NUDCD3: variants seen among roughly 807,000 people sequenced by gnomAD.
NUDCD3 encodes the protein NudC domain containing 3, also known as nudC domain-containing protein 3.
In NUDCD3, 13 loss-of-function variants were observed where a neutral mutation model predicts 39.7. The ratio of observed to expected loss-of-function variants is 0.33; its 90% CI spans 0.21 to 0.52. The LOEUF (loss-of-function observed/expected upper bound fraction) is 0.52, where lower values mean the gene tolerates loss of function less well. Ranked by LOEUF, NUDCD3 falls within the 20% of genes least tolerant of loss-of-function variation. The pLI is 0.96. For missense variants in NUDCD3, 453 were observed against 458.1 expected (o/e 0.99, Z 0.10); for synonymous variants, 175 against 172.4 (o/e 1.02, Z -0.12).
intron 2 of NUDCD3, among the ~76,000 whole-genome samples, chr7:44,460,390 G>A (rs1308556799): frequency 6.6e-6 from 1 of 152,134 alleles, no homozygotes; most frequent in African/African-American, 2.4e-5. Context: ...TTTCTTACCT[G>A]GTATGACTAA....
At chr7:44,478,012 T>C (rs1800412591) in intron 2 of NUDCD3, among the ~76,000 whole-genome samples, 2 of 151,946 alleles carry the variant, frequency 1.3e-5, no homozygotes, top group Non-Finnish European at 2.9e-5. Flanking sequence ...TTTTTGTATT[T>C]TTATAGAGAC....
intron 2 of NUDCD3, among the ~76,000 whole-genome samples, chr7:44,478,385 T>C (rs1234077585): frequency 6.6e-6 from 1 of 152,106 alleles, no homozygotes; most frequent in Admixed American, 6.5e-5. Flanking sequence ...ACCCTGTCTC[T>C]ACTAAAAAAA....
In NUDCD3 at chr7:44,468,219, G is replaced by A. The variant is rs375938086; in HGVS notation, c.509+16749C>T. ...GCTCACAATGTTTCCTCCAAGAACC[G>A]CAAAGCCATCGTGGAAACAGCTGCC... On this transcript the variant is annotated intron_variant, in intron 2 of 5. Transcript: ENST00000355451. The A allele has an allele frequency of 1.7e-5, 27 of 1,598,230 alleles. No homozygotes were observed. The African/African-American group carries it at 1.9e-4, about 11-fold the overall frequency.
chr7:44,489,580 C>A (rs1164967604), intron 1 of NUDCD3, among the ~76,000 whole-genome samples: 1 of 152,202 alleles, frequency 6.6e-6, no homozygotes, highest in East Asian at 1.9e-4. Flanking sequence ...TGAATAGTTT[C>A]TTTTAATCTC....
chr7:44,393,952 AAC>A (rs1346013278), intron 4 of NUDCD3, among the ~76,000 whole-genome samples: 3 of 152,172 alleles, frequency 2.0e-5, no homozygotes, highest in African/African-American at 4.8e-5. Flanking sequence ...GCAGTGTCCT[AAC>A]ACTGCACCTT....
At chr7:44,432,895 A>T (rs977055782) in intron 2 of NUDCD3, among the ~76,000 whole-genome samples, 5 of 152,140 alleles carry the variant, frequency 3.3e-5, no homozygotes, top group East Asian at 3.9e-4. Context: ...CAATGTACAT[A>T]TATGTGCTAG....
Position 44,453,334 on chromosome 7 carries a change from C to CA in NUDCD3, c.510-25632dup. On this transcript the variant is annotated intron_variant, in intron 2 of 5. Coordinates refer to ENST00000355451, the MANE Select transcript of NUDCD3 (RefSeq NM_015332.4). ...TGCCACTGCACTCCAGCCTAGGCGACAGAGTGAGACTTCATCTCAAAAAAA... is the reference window on the plus strand; with the variant it reads ...TGCCACTGCACTCCAGCCTAGGCGACAAGAGTGAGACTTCATCTCAAAAAAA... Among the ~76,000 whole-genome samples the CA allele has an allele frequency of 2.0e-5, 3 of 152,028 alleles. No individual in the cohort carries two copies. In the Middle Eastern group the frequency reaches 0.01, roughly 517 times the overall value.
chr7:44,407,237 C>A (rs1346226645), intron 3 of NUDCD3, among the ~76,000 whole-genome samples: 1 of 149,440 alleles, frequency 6.7e-6, no homozygotes, highest in Non-Finnish European at 1.5e-5. Context: ...CGGTCCCACA[C>A]TCAAGAGAAT....
rs143588752 is a variant in NUDCD3 at position 44,401,600 on chromosome 7, A to C, written c.786+2840T>G. Among the ~76,000 whole-genome samples the C allele has an allele frequency of 1.3e-3, 196 of 152,326 alleles. 2 individuals are homozygous for C. The highest frequency in any genetic ancestry group is 4.5e-3 in the African/African-American group (188 of 41,572). ...AATGCCATCTATTGATAATAAAGGCACTTTAAGGAACCATGGGAAAGAACT... is the reference window on the plus strand; with the variant it reads ...AATGCCATCTATTGATAATAAAGGCCCTTTAAGGAACCATGGGAAAGAACT... On this transcript the variant is annotated intron_variant, in intron 4 of 5. Transcript: ENST00000355451.
intron 3 of NUDCD3, among the ~76,000 whole-genome samples, chr7:44,415,212 C>A (rs1172980643): frequency 1.3e-5 from 2 of 152,194 alleles, no homozygotes; most frequent in African/African-American, 4.8e-5. Context: ...TTTTCAAAAG[C>A]ATTCCAATTC....
intron 3 of NUDCD3, among the ~76,000 whole-genome samples, chr7:44,417,803 A>G (rs1168339016): frequency 6.6e-6 from 1 of 152,174 alleles, no homozygotes; most frequent in Non-Finnish European, 1.5e-5. Context: ...GATGATCCCT[A>G]GTGATCTGGT....
chr7:44,434,288 T>G (rs1799425742), intron 2 of NUDCD3, among the ~76,000 whole-genome samples: 1 of 152,152 alleles, frequency 6.6e-6, no homozygotes. Flanking sequence ...AGACGTAGCC[T>G]GGGCCTTGGT....
chr7:44,444,733 C>A (rs919008464), intron 2 of NUDCD3, among the ~76,000 whole-genome samples: 1 of 152,214 alleles, frequency 6.6e-6, no homozygotes, highest in African/African-American at 2.4e-5. Flanking sequence ...ATCACTTGGT[C>A]TCTTGGATCC....
At chr7:44,411,139 C>G (rs1798915723) in intron 3 of NUDCD3, among the ~76,000 whole-genome samples, 1 of 152,002 alleles carries the variant, frequency 6.6e-6, no homozygotes. Flanking sequence ...AGTTGGACAA[C>G]TATTTCATAG....
At chr7:44,473,582 T>C (rs186512037) in intron 2 of NUDCD3, among the ~76,000 whole-genome samples, 1 of 152,358 alleles carries the variant, frequency 6.6e-6, no homozygotes, top group Admixed American at 6.5e-5. Context: ...CTTTTGTCTG[T>C]GCATGTGTAC....
rs1798387998 is a variant in NUDCD3 at position 44,385,593 on chromosome 7, A to T, written c.*418T>A. 1.6e-5 allele frequency: 3 copies of T among 182,696 alleles called. No homozygotes were observed. The highest frequency in any genetic ancestry group is 3.4e-5 in the Non-Finnish European group (3 of 87,912). The allele number at this position is 182,696 out of a possible 1,614,324, so 11.3% of individuals were successfully genotyped here. ...GAGCTTCACACACTTCAATGACTTC[A>T]GCTTCGCCTGAGAGTCCAGCAACAA... On this transcript the variant is annotated 3_prime_UTR_variant, in exon 6 of 6. Transcript: ENST00000355451.
chr7:44,471,979 C>G (rs769174520), intron 2 of NUDCD3: 1 of 152,198 alleles, frequency 6.6e-6, no homozygotes, highest in Non-Finnish European at 1.5e-5. Flanking sequence ...AATGCCCATC[C>G]CAGTCCCTAC....
At chr7:44,455,664 G>A (rs1009993343) in intron 2 of NUDCD3, among the ~76,000 whole-genome samples, 2 of 152,202 alleles carry the variant, frequency 1.3e-5, no homozygotes, top group East Asian at 3.8e-4. Flanking sequence ...GTAAATGTGA[G>A]TGTAAGAACA....
intron 3 of NUDCD3, among the ~76,000 whole-genome samples, chr7:44,422,838 C>G (rs1369875551): frequency 6.6e-6 from 1 of 152,020 alleles, no homozygotes; most frequent in Non-Finnish European, 1.5e-5. Context: ...AGAGACACAA[C>G]AAAAAAAGAA....
Sources: allele counts gnomAD v4.1 joint callset (sites outside exome capture counted in the v4.1 genomes callset), GRCh38; gene constraint gnomAD v4.1.1; transcripts MANE v1.5; gene names NCBI Gene and HGNC (gene_info 2026-07-23, HGNC 2026-07-21).